Variants in VPS8 observed in about 807,000 individuals in gnomAD.
VPS8 encodes the protein vacuolar protein sorting-associated protein 8 homolog.
In VPS8, 129 loss-of-function variants were observed where a neutral mutation model predicts 216.4. The ratio of observed to expected loss-of-function variants is 0.60; its 90% CI spans 0.52 to 0.69. The LOEUF is 0.69. Ranked by LOEUF, VPS8 falls within the 30% of genes least tolerant of loss-of-function variation. The pLI, the probability that VPS8 is intolerant of heterozygous loss-of-function variation, is 0.00. For missense variants in VPS8, 1,531 were observed against 1,683.5 expected, an observed-to-expected ratio of 0.91 and a Z score of 1.59; for synonymous variants, 571 against 565.4, an observed-to-expected ratio of 1.01 and a Z score of -0.14.
chr3:184,871,643 G>A (rs1042916475), intron 21 of VPS8, among the ~76,000 whole-genome samples: 4 of 152,084 alleles, frequency 2.6e-5, no homozygotes, highest in Non-Finnish European at 4.4e-5. Context: ...TAAAGTGTGC[G>A]TCCCGTGGTC....
At chr3:184,926,520 GTTA>G (rs1739680626) in intron 30 of VPS8, 71 bp from the exon 31 acceptor site, 82 of 1,439,818 alleles carry the variant, frequency 5.7e-5, no homozygotes, top group Non-Finnish European at 7.6e-5. Flanking sequence ...TGAAAGGGTA[GTTA>G]TTATTTTTAT....
intron 5 of VPS8, chr3:184,836,234 C>A (rs762504978): frequency 4.4e-6 from 2 of 455,966 alleles, no homozygotes; most frequent in African/African-American, 2.0e-5. Context: ...GGCAATTGTT[C>A]TTCCTCTTTT....
intron 45 of VPS8, among the ~76,000 whole-genome samples, chr3:185,001,772 G>A (rs886151724): frequency 1.3e-5 from 2 of 152,080 alleles, no homozygotes; most frequent in African/African-American, 4.8e-5. Context: ...GCTATCCAGG[G>A]GTCTCCAGCC....
intron 45 of VPS8, among the ~76,000 whole-genome samples, chr3:185,010,260 C>T (rs1242547851): frequency 4.6e-5 from 7 of 152,202 alleles, no homozygotes; most frequent in South Asian, 2.1e-4. Flanking sequence ...TTAACCATAT[C>T]GCAGAACAGA....
intron 42 of VPS8, among the ~76,000 whole-genome samples, chr3:184,983,920 CA>C (rs1750622482): frequency 6.6e-6 from 1 of 151,296 alleles, no homozygotes; most frequent in African/African-American, 2.4e-5. Context: ...CGTGGTGGCT[CA>C]CGCCTGTAAT....
intron 21 of VPS8, 113 bp downstream of exon 21, chr3:184,870,918 C>A (rs1422760802): frequency 6.7e-6 from 6 of 889,692 alleles, no homozygotes; most frequent in African/African-American, 5.1e-5. Flanking sequence ...TTTTAGTATT[C>A]AAAACTTTAT....
chr3:184,886,125 A>G lies in VPS8; in HGVS notation c.1750A>G (p.Ile584Val), dbSNP rs914026926. Reference protein sequence around the residue: ...EQHFQDMVPVIVDYCLLLQRK... With the variant: ...EQHFQDMVPVVVDYCLLLQRK... ...TCCTCTACAGGATATGGTGCCTGTCATAGTTGATTACTGCCTTCTGCTGCA... is the reference window on the plus strand; with the variant it reads ...TCCTCTACAGGATATGGTGCCTGTCGTAGTTGATTACTGCCTTCTGCTGCA... Residue 584 changes from isoleucine to valine, a missense_variant, in exon 22 of 48, where the codon ATA (isoleucine) becomes GTA (valine). By Grantham distance (29) the Ile-to-Val change is conservative. Coordinates refer to ENST00000625842, the MANE Select transcript of VPS8 (RefSeq NM_001009921.3). The G allele has an allele frequency of 3.1e-6, 5 of 1,609,634 alleles. No individual in the cohort carries two copies. The highest frequency in any genetic ancestry group is 4.2e-6 in the Non-Finnish European group (5 of 1,178,030).
intron 46 of VPS8, among the ~76,000 whole-genome samples, chr3:185,037,294 C>T (rs1188815184): frequency 1.3e-5 from 2 of 152,006 alleles, no homozygotes; most frequent in Non-Finnish European, 2.9e-5. Flanking sequence ...AATATGTGGC[C>T]TCCATTGTTT....
At position 185,027,235 on chromosome 3, in the gene VPS8, C is replaced by CTTTTTT. The variant is rs893256183; in HGVS notation, c.4056+2866_4056+2871dup. Among the ~76,000 whole-genome samples, 153 of 87,712 alleles carry CTTTTTT rather than the reference C, an allele frequency of 1.7e-3. 8 individuals carry two copies. The highest frequency in any genetic ancestry group is 5.3e-3 in the African/African-American group (113 of 21,284). The allele number at this position is 87,712 out of a possible 152,430, so 57.5% of individuals were successfully genotyped here. A position where few individuals can be genotyped will look rare whatever the true frequency, so the allele number is the denominator to read the frequency against. On this transcript the variant is annotated intron_variant, in intron 46 of 47. Transcript: ENST00000625842. ...GCTAACTTAGTGCAGTTTTTATGTT[C>CTTTTTT]TTTTTTTTTTTTTTTTTTTTTTTTT... is the stretch of plus-strand genomic sequence containing the variant.
At chr3:184,961,991 A>T (rs1746614366) in intron 37 of VPS8, among the ~76,000 whole-genome samples, 1 of 152,190 alleles carries the variant, frequency 6.6e-6, no homozygotes, top group South Asian at 2.1e-4. Context: ...TGAACTGCTG[A>T]CCTCAAGAGA....
chr3:184,844,982 C>G (rs1024493371), intron 8 of VPS8, among the ~76,000 whole-genome samples: 1 of 152,132 alleles, frequency 6.6e-6, no homozygotes, highest in Non-Finnish European at 1.5e-5. Context: ...ATATTTCTTG[C>G]CAGGGTAACC....
chr3:184,985,581 T>C (rs1488454447), intron 42 of VPS8, among the ~76,000 whole-genome samples: 4 of 152,188 alleles, frequency 2.6e-5, no homozygotes, highest in Non-Finnish European at 4.4e-5. Context: ...TACATTTCTA[T>C]ACTTAATCTG....
intron 46 of VPS8, among the ~76,000 whole-genome samples, chr3:185,031,249 T>A (rs1353147873): frequency 1.3e-5 from 2 of 152,070 alleles, no homozygotes; most frequent in Admixed American, 6.5e-5. Flanking sequence ...TTTCTAGCCA[T>A]CATTTGATGG....
At chr3:185,006,552 C>T (rs1754274734) in intron 45 of VPS8, among the ~76,000 whole-genome samples, 2 of 152,214 alleles carry the variant, frequency 1.3e-5, no homozygotes, top group African/African-American at 4.8e-5. Context: ...GTGAACCATT[C>T]ACATTTCCAG....
chr3:184,871,414 C>T (rs1168446755), intron 21 of VPS8, among the ~76,000 whole-genome samples: 3 of 152,142 alleles, frequency 2.0e-5, no homozygotes, highest in African/African-American at 4.8e-5. Flanking sequence ...CTGCCTACCT[C>T]CTCTTTTAAC....
chr3:184,880,028 CTTAA>C (rs1730004857), intron 21 of VPS8, among the ~76,000 whole-genome samples: 1 of 152,004 alleles, frequency 6.6e-6, no homozygotes, highest in South Asian at 2.1e-4. Flanking sequence ...ATGGTTTTGC[CTTAA>C]TTGAGTTAGG....
At chr3:184,849,351 A>T in intron 9 of VPS8, 156 bp downstream of exon 9, 1 of 840,516 alleles carries the variant, frequency 1.2e-6, no homozygotes, top group Non-Finnish European at 1.7e-6. Flanking sequence ...TGTCTTGTTC[A>T]AAATTTTACA....
intron 36 of VPS8, among the ~76,000 whole-genome samples, chr3:184,940,935 A>G (rs1742567447): frequency 6.6e-6 from 1 of 152,218 alleles, no homozygotes; most frequent in Non-Finnish European, 1.5e-5. Context: ...GTGCATCAGA[A>G]TCACCTACGA....
chr3:184,865,021 A>G (rs1450408310), intron 16 of VPS8, among the ~76,000 whole-genome samples: 1 of 152,204 alleles, frequency 6.6e-6, no homozygotes, highest in Non-Finnish European at 1.5e-5. Flanking sequence ...TGAAAACTAT[A>G]GTGCTTATAG....
Sources: allele counts gnomAD v4.1 joint callset (sites outside exome capture counted in the v4.1 genomes callset), GRCh38; gene constraint gnomAD v4.1.1; transcripts MANE v1.5; gene names NCBI Gene and HGNC (gene_info 2026-07-23, HGNC 2026-07-21).